The following NELFE variants were observed in gnomAD, a reference collection of about 807,000 sequenced individuals.
The protein encoded by NELFE is negative elongation factor E.
Under a neutral mutation model 55.5 loss-of-function variants are expected in NELFE, and 26 were observed. The observed-to-expected ratio is 0.47, with a 90% CI of 0.34 to 0.65. The LOEUF is 0.65. NELFE is among the 30% of genes least tolerant of loss of function. NELFE has a pLI of 0.01. For synonymous variants in NELFE, 162 were observed against 178.0 expected (o/e 0.91, Z 0.72); for missense variants, 403 against 506.9 (o/e 0.80, Z 1.97).
intron 10 of NELFE, 94 bp from the exon 11 acceptor site, chr6:31,952,492 C>A: frequency 3.6e-6 from 3 of 831,164 alleles, no homozygotes; most frequent in Non-Finnish European, 1.9e-6. Flanking sequence ...TGGCCACTGG[C>A]CCCTGGAAGC....
chr6:31,958,842 G>A (rs946864725), intron 1 of NELFE, 50 bp downstream of exon 1: 10 of 630,812 alleles, frequency 1.6e-5, no homozygotes, highest in South Asian at 1.1e-4. Flanking sequence ...GAAGAACAGA[G>A]AAACGGCTAT....
At position 31,954,625 on chromosome 6, in the gene NELFE, T is replaced by C; in HGVS notation, c.672A>G (p.Arg224=). The C allele has an allele frequency of 1.2e-6, 2 of 1,607,504 alleles. No individual in the cohort carries two copies. The highest frequency in any genetic ancestry group is 1.7e-6 in the Non-Finnish European group (2 of 1,176,878). ...RERDRDRDRD[R]DRDRERDRDR... ...CCCTGTCCCGTTCCCGGTCTCGATCTCGATCCCGATCCCGATCCCTGTCCC... is the reference window on the plus strand; with the variant it reads ...CCCTGTCCCGTTCCCGGTCTCGATCCCGATCCCGATCCCGATCCCTGTCCC... Residue 224 remains arginine, a synonymous_variant, in exon 7 of 11, where the codon CGA becomes CGG. Coordinates refer to ENST00000375429, the MANE Select transcript of NELFE (RefSeq NM_002904.6). The surrounding 1 kb of genome is among the most constrained non-coding windows in gnomAD (Gnocchi z 5.5).
At chr6:31,955,151 C>T in intron 5 of NELFE, 55 bp from the exon 6 acceptor site, 1 of 1,612,232 alleles carries the variant, frequency 6.2e-7, no homozygotes, top group Non-Finnish European at 8.5e-7. Flanking sequence ...ACATGTGGTC[C>T]AAAATATATT....
rs779815880 is a variant in NELFE at position 31,954,752 on chromosome 6, G to A, written c.545C>T (p.Pro182Leu). 2.5e-6 allele frequency: 4 copies of A among 1,613,200 alleles called. No individual in the cohort carries two copies. Among genetic ancestry groups the A allele is most frequent in the Admixed American group, 1.7e-5 (1 of 60,008 alleles). The change falls in exon 7 of 11, where the codon CCT becomes CTT. Residue 182 changes from proline to leucine, a missense_variant. Pro to Leu is a moderately conservative substitution (Grantham distance 98, BLOSUM62 -3). This residue lies in a region of NELFE where 229 missense variants were observed against 228.3 expected (regional missense o/e 1.00). Transcript: ENST00000375429. This position sits in a 1 kb window ranked among gnomAD's most constrained non-coding sequence, Gnocchi z 5.5. ...GCGGTCCCGGCTGCGGCTTCGGGGA[G>A]GGGAGGCTGAGGAGTGGGCACCACT... Reference protein sequence around the residue: ...ERSGAHSSASPPRSRSRDRSH... With the variant: ...ERSGAHSSASLPRSRSRDRSH...
At position 31,954,031 on chromosome 6, in the gene NELFE, CAT is replaced by C. The variant is rs778715802; in HGVS notation, c.942+47_942+48del. 1 of 1,594,828 alleles carries C rather than the reference CAT, an allele frequency of 6.3e-7. No homozygotes were observed. The highest frequency in any genetic ancestry group is 8.6e-7 in the Non-Finnish European group (1 of 1,164,292). On this transcript the variant is annotated intron_variant, in intron 9 of 10. Transcript: ENST00000375429. The surrounding 1 kb of genome is among the most constrained non-coding windows in gnomAD (Gnocchi z 5.5). Reference sequence around the variant, plus strand: ...GGCATCTAGTATTTTGAGGAGAACACATGAGAACAGCAGAAGCGATGGGAAGA... The same window carrying C: ...GGCATCTAGTATTTTGAGGAGAACACGAGAACAGCAGAAGCGATGGGAAGA...
At position 31,954,675 on chromosome 6, in the gene NELFE, G is replaced by A. The variant is rs1391627829; in HGVS notation, c.622C>T (p.Arg208Trp). ...RDRDRERDRD[R>W]DRDRDRERDR... ...CGCTCTCTGTCTCTGTCTCGATCCC[G>A]GTCTCGATCCCGCTCCCGATCTCGG... The change falls in exon 7 of 11, where the codon CGG becomes TGG. Residue 208 changes from arginine to tryptophan, a missense_variant. Transcript: ENST00000375429. The surrounding 1 kb of genome is among the most constrained non-coding windows in gnomAD (Gnocchi z 5.5). 8.9e-6 allele frequency: 14 copies of A among 1,573,102 alleles called. No homozygotes were observed. The highest frequency in any genetic ancestry group is 2.7e-5 in the African/African-American group (2 of 74,110).
chr6:31,952,185 C>T lies in NELFE; in HGVS notation c.*116G>A. ...TGACAGCCGTTTTTAAAGGTTTAACCCCAATCCCAAGTGCTGAAAAACCAG... is the reference window on the plus strand; with the variant it reads ...TGACAGCCGTTTTTAAAGGTTTAACTCCAATCCCAAGTGCTGAAAAACCAG... On this transcript the variant is annotated 3_prime_UTR_variant, in exon 11 of 11. Transcript: ENST00000375429. The T allele has an allele frequency of 2.8e-6, 4 of 1,419,840 alleles. No homozygotes were observed. In the South Asian group the frequency reaches 4.9e-5, roughly 17 times the overall value. The allele number at this position is 1,419,840 out of a possible 1,614,324, so 88.0% of individuals were successfully genotyped here. A position where few individuals can be genotyped will look rare whatever the true frequency, so the allele number is the denominator to read the frequency against.
intron 4 of NELFE, among the ~76,000 whole-genome samples, chr6:31,955,964 G>A (rs1238118870): frequency 6.8e-6 from 1 of 148,148 alleles, no homozygotes. Flanking sequence ...ACGGAGTCTC[G>A]CTGTCACCCA....
chr6:31,953,089 T>C (rs544141688), intron 10 of NELFE, among the ~76,000 whole-genome samples: 33 of 152,314 alleles, frequency 2.2e-4, no homozygotes, highest in Non-Finnish European at 3.4e-4. Flanking sequence ...TTTCTCAAAG[T>C]GTGTGTCCTT....
chr6:31,958,519 C>T, intron 1 of NELFE, 65 bp from the exon 2 acceptor site: 1 of 1,310,208 alleles, frequency 7.6e-7, no homozygotes, highest in South Asian at 1.2e-5. Context: ...CACACGCCGT[C>T]CACACTGTAC....
intron 10 of NELFE, 116 bp downstream of exon 10, chr6:31,953,613 T>A: frequency 1.2e-6 from 1 of 855,120 alleles, no homozygotes; most frequent in South Asian, 1.4e-5. Context: ...CCCATTCCCA[T>A]AGCCTCCGCA....
chr6:31,957,029 A>G lies in NELFE; in HGVS notation c.76-19T>C. On this transcript the variant is annotated intron_variant, in intron 2 of 10. Coordinates refer to ENST00000375429, the MANE Select transcript of NELFE (RefSeq NM_002904.6). Reference sequence around the variant, plus strand: ...CCTTTTTCTGGGAACAAGGGTGAGAAGAGAGAGGTAAGTGAGGGCCAGCCC... The same window carrying G: ...CCTTTTTCTGGGAACAAGGGTGAGAGGAGAGAGGTAAGTGAGGGCCAGCCC... The G allele has an allele frequency of 6.3e-7, 1 of 1,586,558 alleles. No homozygotes were observed. The highest frequency in any genetic ancestry group is 8.6e-7 in the Non-Finnish European group (1 of 1,161,164).
rs772874510 is a variant in NELFE, at chr6:31,958,364, TC to T, written c.75+7del. The T allele has an allele frequency of 6.2e-7, 1 of 1,611,938 alleles. No individual in the cohort carries two copies. Among genetic ancestry groups the T allele is most frequent in the African/African-American group, 1.3e-5 (1 of 74,908 alleles). ...AAGGTTAGGCCATGTCCACACACAG[TC>T]CCTCACCTTTTTCTTGAGCTTGTTG... is the stretch of plus-strand genomic sequence containing the variant. On this transcript the variant is annotated splice_region_variant and intron_variant, in intron 2 of 10. Transcript: ENST00000375429.
intron 5 of NELFE, 56 bp downstream of exon 5, chr6:31,955,163 G>C (rs2151794904): frequency 1.2e-6 from 2 of 1,611,830 alleles, no homozygotes; most frequent in East Asian, 2.2e-5. Flanking sequence ...AAATATATTT[G>C]TCTCTCATAT....
chr6:31,956,875 A>G (rs1247131349), intron 3 of NELFE, 37 bp from the exon 4 acceptor site: 2 of 1,613,048 alleles, frequency 1.2e-6, no homozygotes, highest in Non-Finnish European at 1.7e-6. Context: ...ATGTTGGCCA[A>G]GCCATGATGA....
At chr6:31,956,900 C>T (rs1187724728) in intron 3 of NELFE, 41 bp downstream of exon 3, 1 of 1,612,952 alleles carries the variant, frequency 6.2e-7, no homozygotes, top group Non-Finnish European at 8.5e-7. Flanking sequence ...CAGCTCCATG[C>T]TGCCCACTTC....
chr6:31,957,260 C>T (rs2151798130), intron 2 of NELFE: 2 of 610,604 alleles, frequency 3.3e-6, no homozygotes, highest in Non-Finnish European at 2.9e-6. Flanking sequence ...AGACAAATAA[C>T]TCAATCATGG....
Position 31,958,964 on chromosome 6 carries a change from A to G in NELFE, c.-81T>C. 1 of 604,774 alleles carries G rather than the reference A, an allele frequency of 1.7e-6. No individual in the cohort carries two copies. Among genetic ancestry groups the G allele is most frequent in the Non-Finnish European group, 2.9e-6 (1 of 342,934 alleles). 37.5% of individuals were successfully genotyped at this position (604,774 alleles called of 1,614,324 possible). Reference sequence around the variant, plus strand: ...GCTGGCCGCTGATAGCGGGCTCACAACGATGACGTAGCGAGGAGCGGAAAA... The same window carrying G: ...GCTGGCCGCTGATAGCGGGCTCACAGCGATGACGTAGCGAGGAGCGGAAAA... On this transcript the variant is annotated 5_prime_UTR_variant, in exon 1 of 11. Coordinates refer to ENST00000375429, the MANE Select transcript of NELFE (RefSeq NM_002904.6).
Position 31,956,731 on chromosome 6 carries a change from C to T in NELFE, c.253G>A (p.Gly85Ser), listed in dbSNP as rs750026104. 1 of 1,612,266 alleles carries T rather than the reference C, an allele frequency of 6.2e-7. No homozygotes were observed. The highest frequency in any genetic ancestry group is 8.5e-7 in the Non-Finnish European group (1 of 1,179,358). Residue 85 changes from glycine (G) to serine (S), a missense_variant, in exon 4 of 11, where the codon GGC becomes AGC. Physicochemically the swap from Gly to Ser is moderately conservative, Grantham distance 56 (BLOSUM62 0). Coordinates refer to ENST00000375429, the MANE Select transcript of NELFE (RefSeq NM_002904.6). ...SAIKAETKNSGFKRSRTLEGK... is the reference protein window; with the variant it reads ...SAIKAETKNSSFKRSRTLEGK... ...TCAAGGGTTCGAGAACGCTTGAAGC[C>T]TGAGTTCTTGGTCTCAGCCTTGATG...
Sources: gnomAD v4.1 joint callset for allele counts (sites outside exome capture counted in the v4.1 genomes callset) on GRCh38, gnomAD v4.1.1 for gene constraint, gnomAD v4.1.1 regional missense constraint, Gnocchi (gnomAD v3.1) non-coding constraint, MANE v1.5 for transcripts, NCBI Gene and HGNC (gene_info 2026-07-23, HGNC 2026-07-21) for gene names.